The following GYG2 variants were observed in gnomAD, a reference collection of about 807,000 sequenced individuals.
The protein encoded by GYG2 is glycogenin 2.
A neutral mutation model predicts 29.4 loss-of-function variants in GYG2; 29 were observed. That is an observed-to-expected ratio of 0.99 (90% CI 0.74 to 1.35). The LOEUF (loss-of-function observed/expected upper bound fraction) is 1.35. GYG2 is among the 40% of genes most tolerant of loss of function. GYG2 has a pLI of 0.00. For missense variants in GYG2, 370 were observed against 385.7 expected (o/e 0.96, Z 0.34); for synonymous variants, 167 against 172.3 (o/e 0.97, Z 0.24).
At position 2,841,387 on chromosome X, in the gene GYG2, GGATA is replaced by G. The variant is rs753617654; in HGVS notation, c.8-1818_8-1815del. 1.6e-4 allele frequency among the ~76,000 whole-genome samples: 18 copies of G among 110,092 alleles called. 1 individual carries two copies. Among genetic ancestry groups the G allele is most frequent in the African/African-American group, 2.7e-4 (8 of 30,186 alleles). On this transcript the variant is annotated intron_variant, in intron 2 of 10. Coordinates refer to ENST00000398806, the MANE Select transcript of GYG2 (RefSeq NM_001079855.2). ...AATGATAGATAGATGATGGATGGAT[GGATA>G]GATAGATGATAGATAAATAGATGAA...
intron 8 of GYG2, among the ~76,000 whole-genome samples, chrX:2,868,868 G>T (rs1012240616): frequency 1.8e-5 from 2 of 111,294 alleles, no homozygotes; most frequent in African/African-American, 6.5e-5. Flanking sequence ...TTTAACAAAA[G>T]GTATGTTGAT....
rs758155266 is a variant in GYG2 at position 2,866,592 on chromosome X, A to T, written c.1038+4870A>T. On this transcript the variant is annotated intron_variant, in intron 8 of 10. Transcript: ENST00000398806. ...ACAAAATTACAGCTAGACAAGAGGA[A>T]TATGTTGTCATGTTCTATAGCCCTG... Among the ~76,000 whole-genome samples, 22 of 111,523 alleles carry T rather than the reference A, an allele frequency of 2.0e-4. No homozygotes were observed. In the South Asian group the frequency reaches 7.9e-3, roughly 40 times the overall value.
intron 8 of GYG2, 39 bp from the exon 9 acceptor site, chrX:2,875,771 G>A (rs767060169): frequency 1.6e-5 from 14 of 887,459 alleles, no homozygotes; most frequent in Non-Finnish European, 2.1e-5. Context: ...TTTGCACGAA[G>A]GTTTGACTTA....
intron 8 of GYG2, 36 bp downstream of exon 8, chrX:2,861,758 G>T: frequency 1.9e-6 from 2 of 1,044,981 alleles, no homozygotes; most frequent in Non-Finnish European, 2.6e-6. Flanking sequence ...GTGATAGTCA[G>T]ACGCTGGCTC....
At position 2,855,022 on chromosome X, in the gene GYG2, CAG is replaced by C. The variant is rs747563037; in HGVS notation, c.355_356del (p.Arg119GlyfsTer17). The C allele has an allele frequency of 2.1e-5, 26 of 1,210,005 alleles. No homozygotes were observed. The highest frequency in any genetic ancestry group is 2.8e-5 in the Non-Finnish European group (25 of 894,948). ...VLSNVDELFD[R>X]GEFSAAPDPG... ...TGTCCAATGTCGATGAGCTGTTTGACAGGGGAGAGTTTTCTGCGGCCCCGGAC... is the reference window on the plus strand; with the variant it reads ...TGTCCAATGTCGATGAGCTGTTTGACGGGAGAGTTTTCTGCGGCCCCGGAC... On this transcript the variant is annotated frameshift_variant, in exon 5 of 11. Coordinates refer to ENST00000398806, the MANE Select transcript of GYG2 (RefSeq NM_001079855.2). LOFTEE classifies it high-confidence loss of function.
At chrX:2,849,786 T>C (rs1271931127) in intron 3 of GYG2, among the ~76,000 whole-genome samples, 1 of 111,754 alleles carries the variant, frequency 8.9e-6, no homozygotes, top group Non-Finnish European at 1.9e-5. Flanking sequence ...AAAAAGTTAG[T>C]TGATTGACTC....
intron 8 of GYG2, among the ~76,000 whole-genome samples, chrX:2,865,618 G>T (rs995916571): frequency 9.0e-6 from 1 of 111,442 alleles, no homozygotes; most frequent in African/African-American, 3.3e-5. Flanking sequence ...GGAGAGAATC[G>T]TGATGACAGA....
Position 2,853,804 on chromosome X carries a change from A to G in GYG2, c.150-176A>G, listed in dbSNP as rs2087918884. The G allele has an allele frequency of 2.1e-5, 9 of 422,281 alleles. No individual in the cohort carries two copies. In the Middle Eastern group the frequency reaches 1.9e-3, roughly 90 times the overall value. The allele number at this position is 422,281 out of a possible 1,213,427, so 34.8% of individuals were successfully genotyped here. A position where few individuals can be genotyped will look rare whatever the true frequency, so the allele number is the denominator to read the frequency against. ...TTGGGCACAAGTGGACGGTGTGCACAGCTCTAAGCCATCCGTGGAAATGTG... is the reference window on the plus strand; with the variant it reads ...TTGGGCACAAGTGGACGGTGTGCACGGCTCTAAGCCATCCGTGGAAATGTG... On this transcript the variant is annotated intron_variant, in intron 3 of 10. Coordinates refer to ENST00000398806, the MANE Select transcript of GYG2 (RefSeq NM_001079855.2).
At chrX:2,880,541 A>C (rs1206753835) in intron 10 of GYG2, among the ~76,000 whole-genome samples, 1 of 109,877 alleles carries the variant, frequency 9.1e-6, no homozygotes, top group Non-Finnish European at 1.9e-5. Flanking sequence ...CATTTTATAA[A>C]ATTTCAAAAC....
chrX:2,859,331 AT>A (rs775021665), intron 6 of GYG2, among the ~76,000 whole-genome samples: 1 of 110,579 alleles, frequency 9.0e-6, no homozygotes, highest in East Asian at 2.9e-4. Context: ...TACTGAATTG[AT>A]AGTAGTAGTA....
rs11283991 is a variant in GYG2, at chrX:2,864,385, ATT to A, written c.1038+2677_1038+2678del. 9.9e-3 allele frequency among the ~76,000 whole-genome samples: 992 copies of A among 99,924 alleles called. 7 individuals carry two copies. The highest frequency in any genetic ancestry group is 0.016 in the Middle Eastern group (3 of 192). The allele number at this position is 99,924 out of a possible 115,157, so 86.8% of individuals were successfully genotyped here. ...TAAGTAGATAGAGGCAAATGGTTGC[ATT>A]TTTTTTTTTTTTTAGTTTCTGATTG... On this transcript the variant is annotated intron_variant, in intron 8 of 10. Transcript: ENST00000398806.
chrX:2,863,212 C>T (rs2088215532), intron 8 of GYG2, among the ~76,000 whole-genome samples: 1 of 109,374 alleles, frequency 9.1e-6, no homozygotes, highest in African/African-American at 3.3e-5. Flanking sequence ...GTAGCTGGGA[C>T]TGCAGGTGCC....
chrX:2,867,230 C>A (rs1047312535), intron 8 of GYG2, among the ~76,000 whole-genome samples: 3 of 111,426 alleles, frequency 2.7e-5, no homozygotes, highest in African/African-American at 9.8e-5. Context: ...CCTGTATCTC[C>A]CATCTCAGGG....
intron 3 of GYG2, among the ~76,000 whole-genome samples, chrX:2,845,073 T>TACACATGTGTATGTA: frequency 1.2e-5 from 1 of 81,169 alleles, no homozygotes; most frequent in Admixed American, 1.4e-4. Context: ...GTATGTATAT[T>TACACATGTGTATGTA]TATATACACG....
At chrX:2,876,020 T>A (rs1348818558) in intron 9 of GYG2, 106 bp downstream of exon 9, 8 of 334,480 alleles carry the variant, frequency 2.4e-5, no homozygotes, top group Non-Finnish European at 3.4e-5. Context: ...CATAGGCTTT[T>A]AAAAATTCCT....
rs374580677 is a variant in GYG2, at chrX:2,830,172, C to T, written c.-17C>T. 31 of 1,207,101 alleles carry T rather than the reference C, an allele frequency of 2.6e-5. No individual in the cohort carries two copies. In the African/African-American group the frequency reaches 3.1e-4, roughly 12 times the overall value. On this transcript the variant is annotated 5_prime_UTR_variant, in exon 2 of 11. Coordinates refer to ENST00000398806, the MANE Select transcript of GYG2 (RefSeq NM_001079855.2). ...AGGTCTGCAGGTCCGCGCCCACTGC[C>T]CGCGGCGCCACTGACCATGTCGGGT...
rs772678280 is a variant in GYG2 at position 2,877,185 on chromosome X, A to G, written c.1144-15A>G. 1 of 1,205,750 alleles carries G rather than the reference A, an allele frequency of 8.3e-7. No individual in the cohort carries two copies. On this transcript the variant is annotated splice_polypyrimidine_tract_variant and intron_variant, in intron 9 of 10. Coordinates refer to ENST00000398806, the MANE Select transcript of GYG2 (RefSeq NM_001079855.2). ...CAGCCCACCGCAGACTAATGATGGA[A>G]TGGTTATGTTTTAGCAGCCAGCAAA...
chrX:2,871,429 G>C (rs1466898499), intron 8 of GYG2, among the ~76,000 whole-genome samples: 2 of 109,882 alleles, frequency 1.8e-5, no homozygotes, highest in African/African-American at 6.6e-5. Flanking sequence ...TGGCTCACAC[G>C]TGTAATGCCA....
intron 8 of GYG2, among the ~76,000 whole-genome samples, chrX:2,873,933 A>C (rs2088533602): frequency 1.8e-5 from 2 of 110,096 alleles, no homozygotes; most frequent in African/African-American, 6.6e-5. Flanking sequence ...CTACGAAAAA[A>C]TACACAAAAA....
Sources: gnomAD v4.1 joint callset for allele counts (sites outside exome capture counted in the v4.1 genomes callset) on GRCh38, gnomAD v4.1.1 for gene constraint, MANE v1.5 for transcripts, NCBI Gene and HGNC (gene_info 2026-07-23, HGNC 2026-07-21) for gene names.